ATG4C: variants seen among roughly 807,000 people sequenced by gnomAD.
ATG4C encodes cysteine protease ATG4C.
A neutral mutation model predicts 57.6 loss-of-function variants in ATG4C; 56 were observed. That is an observed-to-expected ratio of 0.97 (90% CI 0.78 to 1.21). The LOEUF (loss-of-function observed/expected upper bound fraction) is 1.21. Among genes scored for constraint, ATG4C ranks in the 50% most tolerant of loss-of-function variants. The probability of loss-of-function intolerance (pLI) is 0.00; values close to 1 mark genes in which losing one functional copy is unlikely to be tolerated. For synonymous variants in ATG4C, 157 were observed against 174.1 expected (o/e 0.90, Z 0.78); for missense variants, 595 against 529.8 (o/e 1.12, Z -1.21).
At position 62,809,198 on chromosome 1, in the gene ATG4C, C is replaced by CA. The variant is rs201594254; in HGVS notation, c.160+3946dup. 7.2e-3 allele frequency among the ~76,000 whole-genome samples: 1,096 copies of CA among 152,064 alleles called. 4 individuals carry two copies. The highest frequency in any genetic ancestry group is 0.017 in the Middle Eastern group (5 of 294). ...AAGTGGTCCTCCTGTCTTGGCCTCC[C>CA]AAAGGGCTAGGATTACAAGCTTGAG... On this transcript the variant is annotated intron_variant, in intron 3 of 10. Transcript: ENST00000317868.
In ATG4C at chr1:62,823,952, T is replaced by C. The variant is rs76938209; in HGVS notation, c.796+2743T>C. On this transcript the variant is annotated intron_variant, in intron 6 of 10. Coordinates refer to ENST00000317868, the MANE Select transcript of ATG4C (RefSeq NM_032852.4). ...GTGGTCTGTAACATTTGGAAATACT[T>C]CTATTAAATATTGAACTTATAATTC... Among the ~76,000 whole-genome samples the C allele has an allele frequency of 6.2e-3, 937 of 152,298 alleles. 8 individuals are homozygous for C. Among genetic ancestry groups the C allele is most frequent in the South Asian group, 0.039 (188 of 4,830 alleles).
rs538639120 is a variant in ATG4C, at chr1:62,842,551, A to G, written c.1209+1004A>G. Among the ~76,000 whole-genome samples the G allele has an allele frequency of 2.1e-3, 314 of 152,162 alleles. 1 individual carries two copies. Among genetic ancestry groups the G allele is most frequent in the African/African-American group, 7.3e-3 (305 of 41,528 alleles). On this transcript the variant is annotated intron_variant, in intron 10 of 10. Transcript: ENST00000317868. The stretch of plus-strand genomic sequence containing the variant: ...CCTGACCTCAGAATTCTTCACTGGA[A>G]CTTATATATAATAGTAACTTATTAC...
intron 10 of ATG4C, among the ~76,000 whole-genome samples, chr1:62,843,599 C>G (rs1037629063): frequency 3.9e-5 from 6 of 152,066 alleles, no homozygotes; most frequent in Admixed American, 1.3e-4. Flanking sequence ...AGCTGGTAGT[C>G]TAGAGTCTCA....
intron 3 of ATG4C, among the ~76,000 whole-genome samples, chr1:62,811,462 A>G (rs1665081352): frequency 6.6e-6 from 1 of 152,214 alleles, no homozygotes; most frequent in African/African-American, 2.4e-5. Flanking sequence ...TGGCCCTCCT[A>G]GTAGTATCTA....
Position 62,810,767 on chromosome 1 carries a change from A to T in ATG4C, c.160+5512A>T, listed in dbSNP as rs1004369716. ...TGTTAGAGACCATAATCTGAGTGCAAAGGTGCTTTGTGGGGATGATATTGA... is the reference window on the plus strand; with the variant it reads ...TGTTAGAGACCATAATCTGAGTGCATAGGTGCTTTGTGGGGATGATATTGA... On this transcript the variant is annotated intron_variant, in intron 3 of 10. Transcript: ENST00000317868. Among the ~76,000 whole-genome samples, 18 of 151,618 alleles carry T rather than the reference A, an allele frequency of 1.2e-4. No individual in the cohort carries two copies. The South Asian group carries it at 3.7e-3, about 31-fold the overall frequency.
chr1:62,843,586 T>C (rs1219142056), intron 10 of ATG4C, among the ~76,000 whole-genome samples: 1 of 152,194 alleles, frequency 6.6e-6, no homozygotes, highest in Non-Finnish European at 1.5e-5. Flanking sequence ...ATTTTGAAAA[T>C]GAAGCTGGTA....
intron 10 of ATG4C, among the ~76,000 whole-genome samples, chr1:62,850,886 A>C (rs754035891): frequency 1.1e-5 from 1 of 91,108 alleles, no homozygotes; most frequent in Non-Finnish European, 2.1e-5. Context: ...ATATATATAT[A>C]TATATATATA....
intron 8 of ATG4C, among the ~76,000 whole-genome samples, chr1:62,834,448 CA>C (rs1355201366): frequency 6.6e-6 from 1 of 152,000 alleles, no homozygotes; most frequent in Non-Finnish European, 1.5e-5. Context: ...AAATGACAAG[CA>C]ATATGTTCTT....
intron 1 of ATG4C, among the ~76,000 whole-genome samples, chr1:62,784,946 T>C (rs1016267141): frequency 6.6e-6 from 1 of 152,206 alleles, no homozygotes; most frequent in African/African-American, 2.4e-5. Flanking sequence ...CATCACTGCT[T>C]ATTGAGTTTA....
intron 1 of ATG4C, among the ~76,000 whole-genome samples, chr1:62,795,693 G>C (rs1437939934): frequency 6.6e-6 from 1 of 152,110 alleles, no homozygotes; most frequent in African/African-American, 2.4e-5. Flanking sequence ...GCCGGGGATG[G>C]TGATGGATGC....
At chr1:62,805,424 T>G (rs548480640) in intron 3 of ATG4C, among the ~76,000 whole-genome samples, 169 bp downstream of exon 3, 1 of 152,182 alleles carries the variant, frequency 6.6e-6, no homozygotes, top group South Asian at 2.1e-4. Flanking sequence ...TGTTAACTAG[T>G]TGAGGATAAG....
chr1:62,816,825 TTTTTGTTTTG>T lies in ATG4C; in HGVS notation c.394+32_394+41del, dbSNP rs766058765. 16 of 1,485,846 alleles carry T rather than the reference TTTTTGTTTTG, an allele frequency of 1.1e-5. No homozygotes were observed. Among genetic ancestry groups the T allele is most frequent in the African/African-American group, 1.4e-5 (1 of 69,960 alleles). The allele number at this position is 1,485,846 out of a possible 1,614,324, so 92.0% of individuals were successfully genotyped here. On this transcript the variant is annotated intron_variant, in intron 4 of 10. Transcript: ENST00000317868. Reference sequence around the variant, plus strand: ...TTGGTAGAGGTAAATCAAATTTCTGTTTTTGTTTTGTTTTGTTTTGTTTTTTTGTCGTCGA... The same window carrying T: ...TTGGTAGAGGTAAATCAAATTTCTGTTTTTGTTTTGTTTTTTTGTCGTCGA...
intron 10 of ATG4C, among the ~76,000 whole-genome samples, chr1:62,853,480 T>A (rs1044540561): frequency 3.3e-5 from 5 of 152,350 alleles, no homozygotes; most frequent in African/African-American, 1.2e-4. Context: ...AGGATCTTGC[T>A]ATGTTGCCCA....
chr1:62,798,862 C>CT (rs1664559982), intron 1 of ATG4C, among the ~76,000 whole-genome samples: 1 of 152,258 alleles, frequency 6.6e-6, no homozygotes, highest in African/African-American at 2.4e-5. Context: ...TCAGGCTGGT[C>CT]TCAAACCCCT....
chr1:62,817,875 A>G (rs11208038), intron 4 of ATG4C, among the ~76,000 whole-genome samples: 58,086 of 152,090 alleles, frequency 0.38, 11,905 homozygotes, highest in East Asian at 0.67. Flanking sequence ...CCTACAATGC[A>G]TGGCATATAT....
intron 3 of ATG4C, among the ~76,000 whole-genome samples, chr1:62,812,274 C>T (rs564996190): frequency 2.1e-4 from 32 of 152,260 alleles, no homozygotes; most frequent in African/African-American, 6.0e-4. Flanking sequence ...TTATGCACCA[C>T]GATCACGTCG....
chr1:62,865,394 G>T lies in ATG4C; in HGVS notation c.*1235G>T, dbSNP rs1277092529. Reference sequence around the variant, plus strand: ...TCAGAAAACCTGTTTGTTTAGAGTTGCATGTAAAGCTGAAAGAGAGGGTGG... The same window carrying T: ...TCAGAAAACCTGTTTGTTTAGAGTTTCATGTAAAGCTGAAAGAGAGGGTGG... On this transcript the variant is annotated 3_prime_UTR_variant, in exon 11 of 11. Transcript: ENST00000317868. The T allele has an allele frequency of 1.3e-5, 2 of 151,850 alleles. No individual in the cohort carries two copies. Among genetic ancestry groups the T allele is most frequent in the African/African-American group, 4.8e-5 (2 of 41,414 alleles). 9.4% of individuals were successfully genotyped at this position (151,850 alleles called of 1,614,324 possible).
chr1:62,786,529 C>CAA (rs780728043), intron 1 of ATG4C, among the ~76,000 whole-genome samples: 2,235 of 101,056 alleles, frequency 0.022, 68 homozygotes, highest in African/African-American at 0.076. Context: ...GACCCTGTCT[C>CAA]AAAAAAAAAA....
intron 1 of ATG4C, among the ~76,000 whole-genome samples, chr1:62,788,386 C>T (rs1286217783): frequency 6.6e-6 from 1 of 151,840 alleles, no homozygotes; most frequent in Non-Finnish European, 1.5e-5. Context: ...CTCTTTTGCT[C>T]TCATTCCTTG....
Sources: gnomAD v4.1 joint callset for allele counts (sites outside exome capture counted in the v4.1 genomes callset) on GRCh38, gnomAD v4.1.1 for gene constraint, MANE v1.5 for transcripts, NCBI Gene and HGNC (gene_info 2026-07-23, HGNC 2026-07-21) for gene names.